Variants in COL10A1 observed in about 807,000 individuals in gnomAD.
COL10A1 encodes the protein collagen alpha-1(X) chain.
COL10A1 carries 10 observed loss-of-function variants against 18.2 expected under a neutral mutation model. The ratio of observed to expected loss-of-function variants is 0.55; its 90% CI spans 0.34 to 0.93. The LOEUF is 0.93. COL10A1 is among the 40% of genes least tolerant of loss of function. COL10A1 has a pLI of 0.02. For synonymous variants in COL10A1, 330 were observed against 316.6 expected (o/e 1.04, Z -0.45); for missense variants, 897 against 853.5 (o/e 1.05, Z -0.64).
In COL10A1 at chr6:116,125,388, T is replaced by C. The variant is rs1263626730; in HGVS notation, c.105A>G (p.Leu35=). ...TGAAGAACTGTGTCTTGGTGTTGGGTAGTGGGCCTTTTATGCCTGTGGGCA... is the reference window on the plus strand; with the variant it reads ...TGAAGAACTGTGTCTTGGTGTTGGGCAGTGGGCCTTTTATGCCTGTGGGCA... ...YQMPTGIKGP[L]PNTKTQFFIP... Residue 35 remains leucine (L), a synonymous_variant, in exon 2 of 3, where the codon CTA becomes CTG. Transcript: ENST00000651968. The C allele has an allele frequency of 6.2e-7, 1 of 1,613,780 alleles. No homozygotes were observed. Among genetic ancestry groups the C allele is most frequent in the Non-Finnish European group, 8.5e-7 (1 of 1,179,816 alleles).
At chr6:116,154,403 T>C (rs1780128656) in intron 1 of COL10A1, among the ~76,000 whole-genome samples, 1 of 152,274 alleles carries the variant, frequency 6.6e-6, no homozygotes, top group Non-Finnish European at 1.5e-5. Context: ...TTGTTATTAC[T>C]TGTTTTCTTA....
chr6:116,185,683 A>G, the COL10A1 span, among the ~76,000 whole-genome samples: 1 of 152,004 alleles, frequency 6.6e-6, no homozygotes, highest in Non-Finnish European at 1.5e-5. Context: ...AAGAATAGCT[A>G]CGCCTGCTTG....
At chr6:116,181,601 C>CT in the COL10A1 span, among the ~76,000 whole-genome samples, 3 of 151,974 alleles carry the variant, frequency 2.0e-5, no homozygotes, top group Non-Finnish European at 1.5e-5. Flanking sequence ...ATTGTCACCA[C>CT]TTTTTTTCAT....
upstream of COL10A1, among the ~76,000 whole-genome samples, chr6:116,128,577 A>G (rs1397475528): frequency 6.6e-6 from 1 of 152,070 alleles, no homozygotes; most frequent in Non-Finnish European, 1.5e-5. Flanking sequence ...ACATCTGTGG[A>G]TCGTTAATTA....
At chr6:116,181,424 G>T in the COL10A1 span, among the ~76,000 whole-genome samples, 1 of 151,876 alleles carries the variant, frequency 6.6e-6, no homozygotes, top group Non-Finnish European at 1.5e-5. Context: ...TATTTCAGTG[G>T]ATGCAGAAAA....
chr6:116,161,412 A>AT (rs760591102), upstream of COL10A1, among the ~76,000 whole-genome samples: 7 of 152,116 alleles, frequency 4.6e-5, no homozygotes, highest in Middle Eastern at 3.4e-3. Context: ...TATAAAGCAG[A>AT]TAAAAAAAAA....
chr6:116,183,239 G>A, the COL10A1 span, among the ~76,000 whole-genome samples: 3 of 151,918 alleles, frequency 2.0e-5, no homozygotes, highest in Admixed American at 6.6e-5. Context: ...CTGTGTGCCC[G>A]TTTTTATACC....
At chr6:116,177,377 TTTA>T in the COL10A1 span, among the ~76,000 whole-genome samples, 7 of 152,286 alleles carry the variant, frequency 4.6e-5, no homozygotes, top group Non-Finnish European at 7.4e-5. Flanking sequence ...AAATCTAGAC[TTTA>T]TTATTTTTGT....
Position 116,126,047 on chromosome 6 carries a change from G to A in COL10A1, c.-16+6C>T, listed in dbSNP as rs1221175612. The A allele has an allele frequency of 1.9e-5, 3 of 155,584 alleles. No homozygotes were observed. In the South Asian group the frequency reaches 6.0e-4, roughly 31 times the overall value. The allele number at this position is 155,584 out of a possible 1,614,324, so 9.6% of individuals were successfully genotyped here. Reference sequence around the variant, plus strand: ...CATGGAAGTCCACCAGTAAGCGTACGCTTACCTGCGTGCTGGGAGTTCCTG... The same window carrying A: ...CATGGAAGTCCACCAGTAAGCGTACACTTACCTGCGTGCTGGGAGTTCCTG... On this transcript the variant is annotated splice_donor_region_variant and intron_variant, in intron 1 of 2. Coordinates refer to ENST00000651968, the MANE Select transcript of COL10A1 (RefSeq NM_000493.4).
At chr6:116,164,040 C>G in the COL10A1 span, among the ~76,000 whole-genome samples, 1 of 152,098 alleles carries the variant, frequency 6.6e-6, no homozygotes, top group Non-Finnish European at 1.5e-5. Context: ...AAAGAAAGTT[C>G]CATGCACAGA....
At chr6:116,149,360 G>A (rs555836958) in intron 1 of COL10A1, among the ~76,000 whole-genome samples, 5 of 152,184 alleles carry the variant, frequency 3.3e-5, no homozygotes, top group South Asian at 2.1e-4. Flanking sequence ...CTTCCAGTAC[G>A]TATGACAGGA....
chr6:116,171,510 C>A, the COL10A1 span, among the ~76,000 whole-genome samples: 4 of 152,112 alleles, frequency 2.6e-5, no homozygotes, highest in Non-Finnish European at 5.9e-5. Context: ...CTGGTACTTA[C>A]AAAAGACTTG....
the COL10A1 span, among the ~76,000 whole-genome samples, chr6:116,173,215 CTG>C: frequency 2.0e-5 from 3 of 152,216 alleles, no homozygotes; most frequent in Non-Finnish European, 2.9e-5. Context: ...TAAACTATAA[CTG>C]TGTCAGTGGC....
At chr6:116,123,170 G>C (rs559265560) in intron 2 of COL10A1, among the ~76,000 whole-genome samples, 1 of 152,284 alleles carries the variant, frequency 6.6e-6, no homozygotes, top group East Asian at 1.9e-4. Flanking sequence ...AATTGTCTTA[G>C]TCTGATTGGA....
chr6:116,163,752 C>G, the COL10A1 span, among the ~76,000 whole-genome samples: 20 of 152,094 alleles, frequency 1.3e-4, no homozygotes, highest in Non-Finnish European at 4.4e-5. Context: ...GAATTTAGTA[C>G]TATGAACTTT....
At chr6:116,193,527 A>G in the COL10A1 span, among the ~76,000 whole-genome samples, 3 of 152,144 alleles carry the variant, frequency 2.0e-5, no homozygotes, top group East Asian at 5.8e-4. Flanking sequence ...ATATTTCCTA[A>G]TTTATGGATT....
chr6:116,122,049 G>A (rs922953912), intron 2 of COL10A1, 88 bp from the exon 3 acceptor site: 1 of 1,117,176 alleles, frequency 9.0e-7, no homozygotes, highest in African/African-American at 1.5e-5. Context: ...TATGAATTGG[G>A]ACACGATATT....
chr6:116,142,174 T>C (rs1779784508), intron 1 of COL10A1, among the ~76,000 whole-genome samples: 1 of 152,126 alleles, frequency 6.6e-6, no homozygotes, highest in African/African-American at 2.4e-5. Context: ...CTAATATTAG[T>C]ATAGTTCACA....
Position 116,121,294 on chromosome 6 carries a change from C to G in COL10A1, c.822G>C (p.Gln274His). ...GACCTTTTGTTCCTGGAATCCCTGGCTGGCCTGGGGCTCCAGCAGCTCCTG... is the reference window on the plus strand; with the variant it reads ...GACCTTTTGTTCCTGGAATCCCTGGGTGGCCTGGGGCTCCAGCAGCTCCTG... ...GKPGAAGAPG[Q>H]PGIPGTKGLP... The change falls in exon 3 of 3, where the codon CAG (glutamine) becomes CAC (histidine). Residue 274 changes from glutamine to histidine, a missense_variant. Physicochemically the swap from Gln to His is conservative, Grantham distance 24. Transcript: ENST00000651968. The G allele has an allele frequency of 6.2e-7, 1 of 1,614,018 alleles. No individual in the cohort carries two copies. Among genetic ancestry groups the G allele is most frequent in the South Asian group, 1.1e-5 (1 of 91,072 alleles).
Sources: allele counts gnomAD v4.1 joint callset (sites outside exome capture counted in the v4.1 genomes callset), GRCh38; gene constraint gnomAD v4.1.1; transcripts MANE v1.5; gene names NCBI Gene and HGNC (gene_info 2026-07-23, HGNC 2026-07-21).